The following EDIL3 variants were observed in gnomAD, a reference collection of about 807,000 sequenced individuals.
The protein encoded by EDIL3 is EGF like and discoidin domains 3, also known as EGF-like repeat and discoidin I-like domain-containing protein 3.
Under a neutral mutation model 67.4 loss-of-function variants are expected in EDIL3, and 37 were observed. The ratio of observed to expected loss-of-function variants is 0.55; its 90% confidence interval spans 0.42 to 0.72. The LOEUF (loss-of-function observed/expected upper bound fraction) is 0.72, where lower values mean the gene tolerates loss of function less well. Among genes scored for constraint, EDIL3 ranks in the 30% least tolerant of loss-of-function variants. The pLI is 0.00. For synonymous variants in EDIL3, 195 were observed against 196.3 expected (o/e 0.99, Z 0.05); for missense variants, 527 against 586.3 (o/e 0.90, Z 1.04).
chr5:84,037,479 A>G (rs1746041813), intron 9 of EDIL3, among the ~76,000 whole-genome samples: 1 of 152,242 alleles, frequency 6.6e-6, no homozygotes, highest in Non-Finnish European at 1.5e-5. Flanking sequence ...AAAATAAAAT[A>G]GATTTCTCTA....
chr5:84,304,829 T>C lies in EDIL3; in HGVS notation c.68-50617A>G, dbSNP rs531599341. The stretch of plus-strand genomic sequence containing the variant: ...AGGAAATCTTGAGCAAGAGGAAAAC[T>C]TTCACTTTTTAAAATATAAAACTAA... On this transcript the variant is annotated intron_variant, in intron 1 of 10. Coordinates refer to ENST00000296591, the MANE Select transcript of EDIL3 (RefSeq NM_005711.5). Among the ~76,000 whole-genome samples the C allele has an allele frequency of 4.6e-5, 7 of 152,300 alleles. No homozygotes were observed. The South Asian group carries it at 1.4e-3, about 32-fold the overall frequency.
chr5:84,270,745 T>TA lies in EDIL3; in HGVS notation c.68-16534dup, dbSNP rs1363395810. Among the ~76,000 whole-genome samples the TA allele has an allele frequency of 3.3e-5, 5 of 152,256 alleles. No homozygotes were observed. In the South Asian group the frequency reaches 8.3e-4, roughly 25 times the overall value. ...TGCTACTATTGTCACCATTTTGTAA[T>TA]AAAAAAAGTTAATAAAAAGTAACTT... On this transcript the variant is annotated intron_variant, in intron 1 of 10. Transcript: ENST00000296591.
At chr5:84,320,352 A>T (rs1746610357) in intron 1 of EDIL3, among the ~76,000 whole-genome samples, 1 of 152,056 alleles carries the variant, frequency 6.6e-6, no homozygotes, top group African/African-American at 2.4e-5. Context: ...TCACTAAAAG[A>T]TTGTTAGAAA....
Position 84,012,618 on chromosome 5 carries a change from T to C in EDIL3, c.1137+47682A>G, listed in dbSNP as rs183347019. Among the ~76,000 whole-genome samples, 39 of 152,290 alleles carry C rather than the reference T, an allele frequency of 2.6e-4. 1 individual carries two copies. The highest frequency in any genetic ancestry group is 8.2e-4 in the African/African-American group (34 of 41,586). ...TTACTCTATCTAAGCTTTGTTAAAC[T>C]TTGTATTTTAGTAAATTACTCAGTA... On this transcript the variant is annotated intron_variant, in intron 9 of 10. Coordinates refer to ENST00000296591, the MANE Select transcript of EDIL3 (RefSeq NM_005711.5).
intron 4 of EDIL3, among the ~76,000 whole-genome samples, chr5:84,160,252 A>G (rs539331619): frequency 3.9e-5 from 6 of 152,226 alleles, no homozygotes; most frequent in African/African-American, 1.4e-4. Context: ...CAAGCAAGTT[A>G]TCTTATTTTC....
At chr5:84,079,680 T>C (rs1347819941) in intron 6 of EDIL3, among the ~76,000 whole-genome samples, 8 of 152,078 alleles carry the variant, frequency 5.3e-5, no homozygotes, top group Non-Finnish European at 1.2e-4. Flanking sequence ...ACCATCTGTT[T>C]TGGGTGATAC....
In EDIL3 at chr5:84,180,378, C is replaced by T. The variant is rs940086005; in HGVS notation, c.355+15G>A. ...ATCAATAATAATAAAAGTACAATGACTATGAATAACTTACTGTGCTGACAG... is the reference window on the plus strand; with the variant it reads ...ATCAATAATAATAAAAGTACAATGATTATGAATAACTTACTGTGCTGACAG... On this transcript the variant is annotated intron_variant, in intron 4 of 10. Coordinates refer to ENST00000296591, the MANE Select transcript of EDIL3 (RefSeq NM_005711.5). The T allele has an allele frequency of 1.7e-5, 26 of 1,572,222 alleles. No homozygotes were observed. Among genetic ancestry groups the T allele is most frequent in the Non-Finnish European group, 2.2e-5 (26 of 1,163,020 alleles).
intron 3 of EDIL3, among the ~76,000 whole-genome samples, chr5:84,190,089 A>G (rs939061715): frequency 5.9e-5 from 9 of 152,014 alleles, no homozygotes; most frequent in African/African-American, 2.2e-4. Context: ...ATAATCTAAG[A>G]GAAACATAGA....
intron 4 of EDIL3, among the ~76,000 whole-genome samples, chr5:84,159,792 A>T (rs905758175): frequency 6.6e-6 from 1 of 152,122 alleles, no homozygotes; most frequent in South Asian, 2.1e-4. Context: ...CATAAAACAC[A>T]GTATTCCCTC....
At chr5:84,018,288 G>A (rs1418311683) in intron 9 of EDIL3, among the ~76,000 whole-genome samples, 1 of 152,104 alleles carries the variant, frequency 6.6e-6, no homozygotes, top group Non-Finnish European at 1.5e-5. Context: ...TCTCAGCATA[G>A]TAACCACCTA....
intron 3 of EDIL3, among the ~76,000 whole-genome samples, chr5:84,191,717 A>G (rs1265134918): frequency 1.3e-5 from 2 of 152,032 alleles, no homozygotes; most frequent in East Asian, 1.9e-4. Context: ...AAGCAAACCA[A>G]TATTTTTTTT....
chr5:83,995,139 T>TAC (rs1745214558), intron 9 of EDIL3, among the ~76,000 whole-genome samples: 1 of 113,620 alleles, frequency 8.8e-6, no homozygotes, highest in African/African-American at 3.9e-5. Context: ...GAAAGCAGTA[T>TAC]ACACACGCAC....
intron 1 of EDIL3, among the ~76,000 whole-genome samples, chr5:84,298,473 T>A (rs1368522403): frequency 6.6e-6 from 1 of 152,070 alleles, no homozygotes; most frequent in Admixed American, 6.6e-5. Flanking sequence ...CTGGGGCCTG[T>A]CAGAGGCTTG....
chr5:84,044,225 C>T (rs1285001462), intron 9 of EDIL3, among the ~76,000 whole-genome samples: 1 of 152,098 alleles, frequency 6.6e-6, no homozygotes, highest in Admixed American at 6.6e-5. Context: ...TGTTAAAAAG[C>T]ACTCCATGAA....
chr5:84,173,631 T>G (rs1411312182), intron 4 of EDIL3, among the ~76,000 whole-genome samples: 3 of 152,140 alleles, frequency 2.0e-5, no homozygotes, highest in African/African-American at 7.2e-5. Flanking sequence ...GCAGAGGCTA[T>G]TATACTCTCC....
At chr5:84,220,319 A>C (rs1744317096) in intron 3 of EDIL3, among the ~76,000 whole-genome samples, 1 of 152,172 alleles carries the variant, frequency 6.6e-6, no homozygotes, top group Admixed American at 6.6e-5. Flanking sequence ...GTTTTGACAA[A>C]CTTGAAAATA....
At chr5:84,132,304 AAT>A (rs35891100) in intron 5 of EDIL3, among the ~76,000 whole-genome samples, 18,328 of 102,214 alleles carry the variant, frequency 0.18, 2,063 homozygotes, top group Non-Finnish European at 0.24. Context: ...TTTTATATAT[AAT>A]ATATATTATA....
At chr5:84,019,978 C>T (rs903182967) in intron 9 of EDIL3, among the ~76,000 whole-genome samples, 1 of 149,334 alleles carries the variant, frequency 6.7e-6, no homozygotes, top group African/African-American at 2.5e-5. Flanking sequence ...ACAGCTTCAA[C>T]ACCTACCAAA....
At position 84,339,601 on chromosome 5, in the gene EDIL3, C is replaced by T. The variant is rs192764074; in HGVS notation, c.67+44707G>A. ...CTGAGGTATACTGTGTTTTAAAATACTGTGTTTTTTTTTAATTTTTGAAAC... is the reference window on the plus strand; with the variant it reads ...CTGAGGTATACTGTGTTTTAAAATATTGTGTTTTTTTTTAATTTTTGAAAC... On this transcript the variant is annotated intron_variant, in intron 1 of 10. Transcript: ENST00000296591. Among the ~76,000 whole-genome samples the T allele has an allele frequency of 8.7e-4, 99 of 113,944 alleles. 1 individual carries two copies. In the East Asian group the frequency reaches 0.014, roughly 16 times the overall value. The allele number at this position is 113,944 out of a possible 152,430, so 74.8% of individuals were successfully genotyped here.
Sources: gnomAD v4.1 joint callset for allele counts (sites outside exome capture counted in the v4.1 genomes callset) on GRCh38, gnomAD v4.1.1 for gene constraint, MANE v1.5 for transcripts, NCBI Gene and HGNC (gene_info 2026-07-23, HGNC 2026-07-21) for gene names.